The following DAAM2 variants were observed in gnomAD, a reference collection of about 807,000 sequenced individuals.
DAAM2 encodes the protein dishevelled associated activator of morphogenesis 2.
DAAM2 carries 39 observed loss-of-function variants against 120.7 expected under a neutral mutation model. That is an observed-to-expected ratio of 0.32 (90% confidence interval 0.25 to 0.42). DAAM2 has a LOEUF of 0.42. Among genes scored for constraint, DAAM2 ranks in the 10% least tolerant of loss-of-function variants. DAAM2 has a pLI of 1.00. For missense variants in DAAM2, 1,283 were observed against 1,401.7 expected, an observed-to-expected ratio of 0.92 and a Z score of 1.35; for synonymous variants, 488 against 524.9, an observed-to-expected ratio of 0.93 and a Z score of 0.96.
chr6:39,868,772 C>T lies in DAAM2; in HGVS notation c.763-51C>T. The T allele has an allele frequency of 4.4e-6, 6 of 1,372,092 alleles. No homozygotes were observed. In the South Asian group the frequency reaches 5.0e-5, roughly 11 times the overall value. 85.0% of individuals were successfully genotyped at this position (1,372,092 alleles called of 1,614,324 possible). On this transcript the variant is annotated intron_variant, in intron 6 of 24. Coordinates refer to ENST00000274867, the MANE Select transcript of DAAM2 (RefSeq NM_001201427.2). ...AGGAGTAAAGATGCAAAGGCCACAC[C>T]TGTTGGGAACTCAGCCCTCTCCTCC...
At position 39,901,449 on chromosome 6, in the gene DAAM2, C is replaced by T. The variant is rs907964345; in HGVS notation, c.2959C>T (p.Arg987Trp). Reference protein sequence around the residue: ...AMRRRKEEEERRARMEAMLKE... With the variant: ...AMRRRKEEEEWRARMEAMLKE... The stretch of plus-strand genomic sequence containing the variant: ...GAGGAGGAGGAAGGAGGAGGAGGAG[C>T]GGCGGGCGCGCATGGAAGCCATGGT... The change falls in exon 24 of 25, where the codon CGG (arginine) becomes TGG (tryptophan). Residue 987 changes from arginine (R) to tryptophan (W), a missense_variant. By Grantham distance (101) the Arg-to-Trp change is moderately radical (BLOSUM62 -3). Transcript: ENST00000274867. This position sits in a 1 kb window ranked among gnomAD's most constrained non-coding sequence, Gnocchi z 4.5. 22 of 1,609,936 alleles carry T rather than the reference C, an allele frequency of 1.4e-5. No homozygotes were observed. The highest frequency in any genetic ancestry group is 1.0e-4 in the Admixed American group (6 of 59,964).
intron 1 of DAAM2, among the ~76,000 whole-genome samples, chr6:39,844,700 C>T (rs1451564543): frequency 1.3e-5 from 2 of 152,052 alleles, no homozygotes; most frequent in Non-Finnish European, 2.9e-5. Flanking sequence ...TTGGGCAACT[C>T]CTTTATAAAC....
chr6:39,875,822 A>T (rs186526423), intron 11 of DAAM2, among the ~76,000 whole-genome samples: 1 of 152,300 alleles, frequency 6.6e-6, no homozygotes, highest in Admixed American at 6.5e-5. Flanking sequence ...ACTCTCCACG[A>T]TCCACTGCAT....
Position 39,901,558 on chromosome 6 carries a change from G to A in DAAM2, c.2982+86G>A. ...CCCAAACTGGGGTGTGTGGGAGGAG[G>A]GCAGAGACTGAGGAACTGAGGAACA... On this transcript the variant is annotated intron_variant, in intron 24 of 24. Coordinates refer to ENST00000274867, the MANE Select transcript of DAAM2 (RefSeq NM_001201427.2). This position sits in a 1 kb window ranked among gnomAD's most constrained non-coding sequence, Gnocchi z 4.5. 7.0e-7 allele frequency: 1 copy of A among 1,435,470 alleles called. No homozygotes were observed. The highest frequency in any genetic ancestry group is 9.4e-7 in the Non-Finnish European group (1 of 1,066,064). The allele number at this position is 1,435,470 out of a possible 1,614,324, so 88.9% of individuals were successfully genotyped here.
chr6:39,900,294 G>A, intron 23 of DAAM2, 86 bp downstream of exon 23: 1 of 1,495,144 alleles, frequency 6.7e-7, no homozygotes, highest in Non-Finnish European at 9.0e-7. Flanking sequence ...GACAGCCCAG[G>A]AGGGACAAAC....
rs528597817 is a variant in DAAM2, at chr6:39,810,614, T to C, written c.-57+18149T>C. 2.0e-3 allele frequency among the ~76,000 whole-genome samples: 299 copies of C among 151,814 alleles called. 2 individuals carry two copies. Among genetic ancestry groups the C allele is most frequent in the Non-Finnish European group, 3.6e-3 (247 of 67,916 alleles). On this transcript the variant is annotated intron_variant, in intron 1 of 24. Coordinates refer to ENST00000274867, the MANE Select transcript of DAAM2 (RefSeq NM_001201427.2). ...CCTCTCCCCTGCATCCTGTGACCAA[T>C]GACTCACTAGGAAAGGGGAAGAGCC...
chr6:39,879,052 A>G (rs539537054), intron 13 of DAAM2, 126 bp from the exon 14 acceptor site: 4 of 649,128 alleles, frequency 6.2e-6, no homozygotes, highest in African/African-American at 1.8e-5. Flanking sequence ...AAATGTGTGT[A>G]GAAGATAAGG....
chr6:39,816,432 T>C (rs992355222), intron 1 of DAAM2, among the ~76,000 whole-genome samples: 1 of 152,148 alleles, frequency 6.6e-6, no homozygotes, highest in African/African-American at 2.4e-5. Flanking sequence ...ATCTTTTGTA[T>C]ATAGGAGGCT....
chr6:39,861,148 A>T, intron 3 of DAAM2, 131 bp downstream of exon 3: 1 of 747,092 alleles, frequency 1.3e-6, no homozygotes, highest in Non-Finnish European at 2.4e-6. Context: ...TGGAGGAACA[A>T]CAGTGAATAA....
At chr6:39,798,784 CT>C (rs998761856) in intron 1 of DAAM2, among the ~76,000 whole-genome samples, 1 of 152,106 alleles carries the variant, frequency 6.6e-6, no homozygotes, top group African/African-American at 2.4e-5. Flanking sequence ...TCAGGTGTCC[CT>C]TTTTTTCTCA....
chr6:39,874,450 A>G (rs1764787901), intron 10 of DAAM2, among the ~76,000 whole-genome samples: 1 of 152,184 alleles, frequency 6.6e-6, no homozygotes, highest in Non-Finnish European at 1.5e-5. Flanking sequence ...AAGGGCATAG[A>G]AATCTCTGGG....
At chr6:39,833,052 G>A (rs545256570) in intron 1 of DAAM2, among the ~76,000 whole-genome samples, 1 of 152,254 alleles carries the variant, frequency 6.6e-6, no homozygotes, top group East Asian at 1.9e-4. Context: ...GCTCAGAGCT[G>A]GGTTTAGGCA....
intron 17 of DAAM2, among the ~76,000 whole-genome samples, chr6:39,889,936 TG>T (rs376561076): frequency 6.6e-6 from 1 of 152,170 alleles, no homozygotes; most frequent in African/African-American, 2.4e-5. Flanking sequence ...AAGCCCAGCC[TG>T]GCCAGTATGG....
chr6:39,901,500 G>C lies in DAAM2; in HGVS notation c.2982+28G>C. The stretch of plus-strand genomic sequence containing the variant: ...GAGGGGCAGTGCCAGGCCTGGGACT[G>C]AGGGGAGACGGGTGCTACTTGGGGA... On this transcript the variant is annotated intron_variant, in intron 24 of 24. Coordinates refer to ENST00000274867, the MANE Select transcript of DAAM2 (RefSeq NM_001201427.2). The surrounding 1 kb of genome is among the most constrained non-coding windows in gnomAD (Gnocchi z 4.5). The C allele has an allele frequency of 6.3e-7, 1 of 1,589,386 alleles. No individual in the cohort carries two copies. The highest frequency in any genetic ancestry group is 8.5e-7 in the Non-Finnish European group (1 of 1,173,206).
intron 2 of DAAM2, among the ~76,000 whole-genome samples, chr6:39,857,085 G>C (rs1015984748): frequency 3.3e-5 from 5 of 152,356 alleles, no homozygotes; most frequent in Admixed American, 6.5e-5. Flanking sequence ...GCCCAGACCA[G>C]CTTTCAGACT....
intron 1 of DAAM2, among the ~76,000 whole-genome samples, chr6:39,796,459 TTTCA>T (rs1487280036): frequency 6.6e-6 from 1 of 152,028 alleles, no homozygotes; most frequent in African/African-American, 2.4e-5. Context: ...TTGTTTTTTG[TTTCA>T]TTATGAGGTT....
intron 19 of DAAM2, among the ~76,000 whole-genome samples, chr6:39,892,443 C>A (rs1765789200): frequency 6.6e-6 from 1 of 152,194 alleles, no homozygotes; most frequent in African/African-American, 2.4e-5. Context: ...AGATGCTGAT[C>A]TTCAAAATCA....
intron 1 of DAAM2, among the ~76,000 whole-genome samples, chr6:39,794,434 C>T (rs749062889): frequency 5.3e-5 from 8 of 152,138 alleles, no homozygotes; most frequent in Non-Finnish European, 1.2e-4. Flanking sequence ...GCTTTTCCTC[C>T]AGCGCCTCGG....
intron 16 of DAAM2, 50 bp downstream of exon 16, chr6:39,887,642 G>A (rs780880549): frequency 1.5e-6 from 2 of 1,305,694 alleles, no homozygotes; most frequent in Non-Finnish European, 2.2e-6. Context: ...GACAAAGGGG[G>A]TGGAGGAACG....
Sources: allele counts gnomAD v4.1 joint callset (sites outside exome capture counted in the v4.1 genomes callset), GRCh38; gene constraint gnomAD v4.1.1; non-coding constraint Gnocchi (gnomAD v3.1); transcripts MANE v1.5; gene names NCBI Gene and HGNC (gene_info 2026-07-23, HGNC 2026-07-21).